PTPRQ: variants seen among roughly 807,000 people sequenced by gnomAD.
PTPRQ encodes protein tyrosine phosphatase receptor type Q, also known as phosphatidylinositol phosphatase PTPRQ.
Under a neutral mutation model 246.0 loss-of-function variants are expected in PTPRQ, and 199 were observed. The ratio of observed to expected loss-of-function variants is 0.81; its 90% CI spans 0.72 to 0.91. The LOEUF is 0.91. Among genes scored for constraint, PTPRQ ranks in the 40% least tolerant of loss-of-function variants. The probability of loss-of-function intolerance (pLI) is 0.00; values close to 1 mark genes in which losing one functional copy is unlikely to be tolerated. For missense variants in PTPRQ, 2,624 were observed against 2,528.4 expected (o/e 1.04, Z -0.81); for synonymous variants, 869 against 853.2 (o/e 1.02, Z -0.32).
chr12:80,520,601 A>G (rs951606690), intron 17 of PTPRQ, among the ~76,000 whole-genome samples: 3 of 148,008 alleles, frequency 2.0e-5, no homozygotes, highest in African/African-American at 7.5e-5. Context: ...ATGAGTGAGA[A>G]CATGCGGTGT....
chr12:80,524,611 A>G (rs1592613962), intron 17 of PTPRQ, among the ~76,000 whole-genome samples: 1 of 152,162 alleles, frequency 6.6e-6, no homozygotes, highest in African/African-American at 2.4e-5. Context: ...CAGAAACTCC[A>G]TTGTTTTTAA....
chr12:80,559,159 C>T (rs1896752865), intron 25 of PTPRQ, among the ~76,000 whole-genome samples: 2 of 152,156 alleles, frequency 1.3e-5, no homozygotes, highest in Non-Finnish European at 1.5e-5. Context: ...ATTCTCCTGC[C>T]CCAGCCTCCC....
At chr12:80,525,948 CTG>C (rs1895673003) in intron 17 of PTPRQ, 1 of 152,082 alleles carries the variant, frequency 6.6e-6, no homozygotes. Context: ...AGTGTAGTGA[CTG>C]TACTTTATCA....
chr12:80,460,301 AG>A (rs1893116680), intron 5 of PTPRQ, among the ~76,000 whole-genome samples: 1 of 152,206 alleles, frequency 6.6e-6, no homozygotes, highest in African/African-American at 2.4e-5. Context: ...GTAAGAAAGC[AG>A]CATTTGAACA....
At chr12:80,479,792 A>T (rs1032954874) in intron 8 of PTPRQ, among the ~76,000 whole-genome samples, 4 of 152,126 alleles carry the variant, frequency 2.6e-5, no homozygotes, top group Non-Finnish European at 5.9e-5. Context: ...GCCATTACAT[A>T]ATGGTAAAGG....
chr12:80,512,966 C>T (rs1178184093), intron 17 of PTPRQ, among the ~76,000 whole-genome samples: 1 of 152,020 alleles, frequency 6.6e-6, no homozygotes, highest in Non-Finnish European at 1.5e-5. Context: ...CCTGCTCAAA[C>T]CTCTAGGGGG....
chr12:80,448,025 G>C (rs563369598), intron 3 of PTPRQ, among the ~76,000 whole-genome samples: 56 of 152,124 alleles, frequency 3.7e-4, no homozygotes, highest in African/African-American at 1.3e-3. Context: ...CCAAGAGCAT[G>C]GAATGTTTTT....
Position 80,506,216 on chromosome 12 carries a change from C to A in PTPRQ, c.2455+10C>A. On this transcript the variant is annotated intron_variant, in intron 15 of 44. Transcript: ENST00000644991. ...ACCCAAAACATTAAAGGTAAAAGAA[C>A]AAATCTAATATTGGATATTTGCATT... is the stretch of plus-strand genomic sequence containing the variant. The A allele has an allele frequency of 1.4e-6, 2 of 1,452,956 alleles. No homozygotes were observed. Among genetic ancestry groups the A allele is most frequent in the Non-Finnish European group, 9.1e-7 (1 of 1,098,370 alleles). The allele number at this position is 1,452,956 out of a possible 1,614,324, so 90.0% of individuals were successfully genotyped here.
intron 27 of PTPRQ, among the ~76,000 whole-genome samples, chr12:80,607,978 GA>G (rs1227665227): frequency 6.6e-6 from 1 of 150,796 alleles, no homozygotes; most frequent in African/African-American, 2.4e-5. Context: ...TATAGAGTTT[GA>G]GGTATGAAGT....
At chr12:80,474,190 A>G (rs964654036) in intron 8 of PTPRQ, among the ~76,000 whole-genome samples, 1 of 152,236 alleles carries the variant, frequency 6.6e-6, no homozygotes, top group Admixed American at 6.5e-5. Flanking sequence ...CATTAGAACT[A>G]TCTTTCAATT....
intron 38 of PTPRQ, among the ~76,000 whole-genome samples, chr12:80,656,891 A>G (rs1900459229): frequency 6.7e-6 from 1 of 150,316 alleles, no homozygotes; most frequent in African/African-American, 2.5e-5. Context: ...AAAAAAAAAA[A>G]AGTCCCAATG....
At chr12:80,619,322 T>A (rs1898885803) in intron 30 of PTPRQ, 62 bp from the exon 31 acceptor site, 1 of 1,497,682 alleles carries the variant, frequency 6.7e-7, no homozygotes. Flanking sequence ...AGGAGAAAGA[T>A]TTTTTCTTTT....
Position 80,555,125 on chromosome 12 carries a change from G to A in PTPRQ, c.4285+5391G>A, listed in dbSNP as rs1896607933. Among the ~76,000 whole-genome samples the A allele has an allele frequency of 2.0e-5, 3 of 152,172 alleles. No individual in the cohort carries two copies. In the South Asian group the frequency reaches 6.2e-4, roughly 32 times the overall value. On this transcript the variant is annotated intron_variant, in intron 25 of 44. Transcript: ENST00000644991. ...AGACAGGGTTTCACCATGTGGGCCAGTCTGGGTATCGAACTCCTGACTTCA... is the reference window on the plus strand; with the variant it reads ...AGACAGGGTTTCACCATGTGGGCCAATCTGGGTATCGAACTCCTGACTTCA...
intron 12 of PTPRQ, 56 bp downstream of exon 12, chr12:80,495,427 G>C: frequency 6.8e-7 from 1 of 1,463,822 alleles, no homozygotes; most frequent in East Asian, 2.5e-5. Context: ...TTCTATTCTG[G>C]TGGAAAATAT....
chr12:80,455,404 G>A (rs1333254659), intron 3 of PTPRQ, among the ~76,000 whole-genome samples: 1 of 151,974 alleles, frequency 6.6e-6, no homozygotes, highest in African/African-American at 2.4e-5. Context: ...CTTATAGTTA[G>A]CTTTTCATTT....
At chr12:80,556,528 T>A (rs1004166772) in intron 25 of PTPRQ, among the ~76,000 whole-genome samples, 1 of 152,230 alleles carries the variant, frequency 6.6e-6, no homozygotes. Context: ...ACAAGTACAC[T>A]AATGTTTACT....
At chr12:80,659,786 C>A (rs537748087) in intron 39 of PTPRQ, among the ~76,000 whole-genome samples, 1 of 152,024 alleles carries the variant, frequency 6.6e-6, no homozygotes, top group South Asian at 2.1e-4. Context: ...CTTACAACAA[C>A]GTCACTATGA....
At chr12:80,500,680 G>A (rs958514932) in intron 14 of PTPRQ, among the ~76,000 whole-genome samples, 1 of 151,758 alleles carries the variant, frequency 6.6e-6, no homozygotes, top group African/African-American at 2.4e-5. Context: ...AATATATTCT[G>A]TATCATATTA....
At chr12:80,503,823 A>G (rs1894873993) in intron 14 of PTPRQ, among the ~76,000 whole-genome samples, 1 of 151,692 alleles carries the variant, frequency 6.6e-6, no homozygotes, top group Admixed American at 6.6e-5. Flanking sequence ...ATTATCCCTC[A>G]ATTTTTTTTA....
Sources: allele counts gnomAD v4.1 joint callset (sites outside exome capture counted in the v4.1 genomes callset), GRCh38; gene constraint gnomAD v4.1.1; transcripts MANE v1.5; gene names NCBI Gene and HGNC (gene_info 2026-07-23, HGNC 2026-07-21).